DCLK2: variants seen among roughly 807,000 people sequenced by gnomAD.
DCLK2 encodes the protein serine/threonine-protein kinase DCLK2.
Under a neutral mutation model 78.4 loss-of-function variants are expected in DCLK2, and 31 were observed. The ratio of observed to expected loss-of-function variants is 0.40; its 90% CI spans 0.30 to 0.53. DCLK2 has a LOEUF of 0.53. Ranked by LOEUF, DCLK2 falls within the 20% of genes least tolerant of loss-of-function variation. DCLK2 has a pLI of 0.61. For synonymous variants in DCLK2, 407 were observed against 374.9 expected (o/e 1.09, Z -0.99); for missense variants, 872 against 973.7 (o/e 0.90, Z 1.39).
chr4:150,255,871 C>T, intron 15 of DCLK2, 149 bp from the exon 16 acceptor site: 1 of 1,372,022 alleles, frequency 7.3e-7, no homozygotes, highest in Non-Finnish European at 9.7e-7. Context: ...AACCATTACT[C>T]TCCTGTGAGG....
rs1396654656 is a variant in DCLK2 at position 150,175,123 on chromosome 4, A to T, written c.757-18015A>T. On this transcript the variant is annotated intron_variant, in intron 2 of 15. Coordinates refer to ENST00000296550, the MANE Select transcript of DCLK2 (RefSeq NM_001040260.4). ...ATATATTTATATATTTATATTTTTT[A>T]TATATATATAATTTATGTATATTTT... Among the ~76,000 whole-genome samples the T allele has an allele frequency of 7.4e-4, 47 of 63,678 alleles. 8 individuals carry two copies. Among genetic ancestry groups the T allele is most frequent in the Non-Finnish European group, 1.3e-3 (40 of 30,762 alleles). The allele number at this position is 63,678 out of a possible 152,430, so 41.8% of individuals were successfully genotyped here. A position where few individuals can be genotyped will look rare whatever the true frequency, so the allele number is the denominator to read the frequency against.
At chr4:150,090,022 G>T (rs1017492991) in intron 1 of DCLK2, among the ~76,000 whole-genome samples, 1 of 152,208 alleles carries the variant, frequency 6.6e-6, no homozygotes, top group African/African-American at 2.4e-5. Flanking sequence ...AGTTAGAGTA[G>T]TTGAAGCCAA....
At chr4:150,133,011 A>T (rs1033041397) in intron 2 of DCLK2, among the ~76,000 whole-genome samples, 2 of 152,194 alleles carry the variant, frequency 1.3e-5, no homozygotes, top group Non-Finnish European at 2.9e-5. Flanking sequence ...TATACTGATG[A>T]TTGATTAACA....
intron 4 of DCLK2, among the ~76,000 whole-genome samples, chr4:150,201,323 C>G (rs574981828): frequency 6.6e-6 from 1 of 152,042 alleles, no homozygotes; most frequent in Non-Finnish European, 1.5e-5. Context: ...CTTCCACTTG[C>G]GGCAGCAGCG....
intron 1 of DCLK2, among the ~76,000 whole-genome samples, chr4:150,079,749 CTGTT>C (rs1246803645): frequency 9.9e-5 from 15 of 152,216 alleles, no homozygotes; most frequent in Non-Finnish European, 2.1e-4. Flanking sequence ...GAAGTGCAAA[CTGTT>C]TGAGAAAATG....
At chr4:150,088,810 A>C (rs749256102) in intron 1 of DCLK2, among the ~76,000 whole-genome samples, 2 of 152,172 alleles carry the variant, frequency 1.3e-5, no homozygotes, top group Non-Finnish European at 2.9e-5. Context: ...AGGGGAAAAA[A>C]AGATCATTCC....
intron 2 of DCLK2, among the ~76,000 whole-genome samples, chr4:150,181,006 A>G (rs1737470394): frequency 6.6e-6 from 1 of 152,126 alleles, no homozygotes. Flanking sequence ...ACAGACAGGC[A>G]TTGCTGAGTT....
intron 2 of DCLK2, among the ~76,000 whole-genome samples, chr4:150,118,951 A>G (rs1345996290): frequency 6.6e-6 from 1 of 152,076 alleles, no homozygotes; most frequent in East Asian, 1.9e-4. Context: ...CTTGAACCCA[A>G]GAAGCGGAGG....
intron 2 of DCLK2, among the ~76,000 whole-genome samples, chr4:150,103,612 C>T (rs1731033980): frequency 6.6e-6 from 1 of 152,002 alleles, no homozygotes. Context: ...TTTCTTTGTT[C>T]CATTTTGCCT....
chr4:150,156,740 A>ATTTT (rs1309900372), intron 2 of DCLK2, among the ~76,000 whole-genome samples: 52 of 139,520 alleles, frequency 3.7e-4, no homozygotes, highest in Admixed American at 1.6e-3. Context: ...GGGAGTAACT[A>ATTTT]TTTTATTTAT....
intron 12 of DCLK2, among the ~76,000 whole-genome samples, chr4:150,243,731 T>A (rs1481495395): frequency 6.6e-6 from 1 of 151,972 alleles, no homozygotes; most frequent in African/African-American, 2.4e-5. Context: ...TAGTCTTTTT[T>A]TTTTCTTTTT....
chr4:150,174,152 G>T (rs1007554196), intron 2 of DCLK2, among the ~76,000 whole-genome samples: 3 of 152,080 alleles, frequency 2.0e-5, no homozygotes, highest in African/African-American at 7.3e-5. Context: ...CCACACACAG[G>T]CACAGACGCA....
chr4:150,256,037 G>A lies in DCLK2; in HGVS notation c.2091G>A (p.Lys697=), dbSNP rs775248317. 6.2e-7 allele frequency: 1 copy of A among 1,612,820 alleles called. No homozygotes were observed. The highest frequency in any genetic ancestry group is 1.1e-5 in the South Asian group (1 of 90,972). The change falls in exon 16 of 16, where the codon AAG becomes AAA. Residue 697 remains lysine (K), a synonymous_variant. Transcript: ENST00000296550. ...CTCCTCAGAACACGGCTCTAGATAA[G>A]GAGGGGCAGATTTTCTGCAGCAAGC... The part of the protein sequence containing the change: ...VSVIMNTALD[K]EGQIFCSKHC...
In DCLK2 at chr4:150,107,270, T is replaced by C. The variant is rs538761162; in HGVS notation, c.756+4458T>C. On this transcript the variant is annotated intron_variant, in intron 2 of 15. Transcript: ENST00000296550. ...ATTAGGCCATATGCTAAGCTTTATTTCAGAATTTCTAGAAGTCCTGATAGT... is the reference window on the plus strand; with the variant it reads ...ATTAGGCCATATGCTAAGCTTTATTCCAGAATTTCTAGAAGTCCTGATAGT... Among the ~76,000 whole-genome samples the C allele has an allele frequency of 3.0e-4, 46 of 152,320 alleles. 1 individual carries two copies. The highest frequency in any genetic ancestry group is 2.7e-3 in the Admixed American group (42 of 15,304).
At chr4:150,210,685 C>T (rs1452722115) in intron 5 of DCLK2, among the ~76,000 whole-genome samples, 8 of 152,092 alleles carry the variant, frequency 5.3e-5, no homozygotes, top group African/African-American at 1.4e-4. Context: ...CAGTCGCTCA[C>T]GCCTTTAATC....
At chr4:150,185,410 A>C (rs892445619) in intron 2 of DCLK2, among the ~76,000 whole-genome samples, 8 of 150,186 alleles carry the variant, frequency 5.3e-5, no homozygotes, top group African/African-American at 1.9e-4. Context: ...AGATCATATC[A>C]TGCATAGTAT....
chr4:150,131,262 T>G (rs1461501241), intron 2 of DCLK2, among the ~76,000 whole-genome samples: 4 of 152,178 alleles, frequency 2.6e-5, no homozygotes, highest in African/African-American at 9.7e-5. Flanking sequence ...TAGTACATTT[T>G]CTTCTAGGAG....
chr4:150,130,036 G>A (rs1253040800), intron 2 of DCLK2, among the ~76,000 whole-genome samples: 1 of 152,138 alleles, frequency 6.6e-6, no homozygotes, highest in African/African-American at 2.4e-5. Context: ...CACTGATACT[G>A]TATAGGAAAA....
Position 150,078,551 on chromosome 4 carries a change from C to G in DCLK2, c.-477C>G, listed in dbSNP as rs904036091. The G allele has an allele frequency of 6.6e-6, 1 of 151,150 alleles. No homozygotes were observed. The highest frequency in any genetic ancestry group is 6.6e-5 in the Admixed American group (1 of 15,170). The allele number at this position is 151,150 out of a possible 1,614,324, so 9.4% of individuals were successfully genotyped here. A position where few individuals can be genotyped will look rare whatever the true frequency, so the allele number is the denominator to read the frequency against. On this transcript the variant is annotated 5_prime_UTR_variant, in exon 1 of 16. Transcript: ENST00000296550. ...CCCGGGCCTGGGCCCGCGCGACTCC[C>G]CCGGGGGCCTCTCCCACGCTCCGCG...
Sources: allele counts gnomAD v4.1 joint callset (sites outside exome capture counted in the v4.1 genomes callset), GRCh38; gene constraint gnomAD v4.1.1; transcripts MANE v1.5; gene names NCBI Gene and HGNC (gene_info 2026-07-23, HGNC 2026-07-21).